NEK10: variants seen among roughly 807,000 people sequenced by gnomAD.
NEK10 encodes the protein NIMA related kinase 10.
NEK10 carries 122 observed loss-of-function variants against 159.8 expected under a neutral mutation model. The ratio of observed to expected loss-of-function variants is 0.76; its 90% CI spans 0.66 to 0.89. NEK10 has a LOEUF of 0.89. NEK10 is among the 40% of genes least tolerant of loss of function. The pLI is 0.00. For synonymous variants in NEK10, 466 were observed against 457.1 expected, an observed-to-expected ratio of 1.02 and a Z score of -0.25; for missense variants, 1,342 against 1,323.1, an observed-to-expected ratio of 1.01 and a Z score of -0.22.
intron 22 of NEK10, among the ~76,000 whole-genome samples, chr3:27,274,629 A>T (rs187330132): frequency 6.6e-6 from 1 of 151,962 alleles, no homozygotes; most frequent in Non-Finnish European, 1.5e-5. Flanking sequence ...TTTTTTTCAC[A>T]TATGCGCACA....
rs1553627491 is a variant in NEK10, at chr3:27,305,628, A to AATAAT, written c.804-658_804-657insATTAT. Among the ~76,000 whole-genome samples the AATAAT allele has an allele frequency of 7.3e-3, 1,086 of 149,006 alleles. 12 individuals carry two copies. Among genetic ancestry groups the AATAAT allele is most frequent in the African/African-American group, 0.025 (1,008 of 40,570 alleles). Reference sequence around the variant, plus strand: ...GTGCTAAAGACTAAAAAAAAAAAAAAAATAATAATAATAAAAGCCTTATTC... The same window carrying AATAAT: ...GTGCTAAAGACTAAAAAAAAAAAAAAATAATAATAATAATAATAAAAGCCTTATTC... On this transcript the variant is annotated intron_variant, in intron 11 of 35. Coordinates refer to ENST00000691995, the MANE Select transcript of NEK10 (RefSeq NM_001394966.1).
At chr3:27,250,797 T>A (rs62258163) in intron 23 of NEK10, among the ~76,000 whole-genome samples, 35,219 of 151,930 alleles carry the variant, frequency 0.23, 4,409 homozygotes, top group Middle Eastern at 0.37. Context: ...TGTATTGAGG[T>A]CCATTGCATG....
At chr3:27,338,396 T>C (rs1313517365) in intron 5 of NEK10, among the ~76,000 whole-genome samples, 2 of 152,228 alleles carry the variant, frequency 1.3e-5, no homozygotes, top group Non-Finnish European at 2.9e-5. Context: ...GCAATAAACA[T>C]ACCTGTGCAT....
chr3:27,287,887 A>T, intron 19 of NEK10, 144 bp from the exon 20 acceptor site: 2 of 950,894 alleles, frequency 2.1e-6, no homozygotes, highest in Non-Finnish European at 2.9e-6. Flanking sequence ...ATATCATCGA[A>T]CTGAGATTGT....
chr3:27,190,008 T>C (rs1948970933), intron 26 of NEK10, among the ~76,000 whole-genome samples: 1 of 152,170 alleles, frequency 6.6e-6, no homozygotes, highest in Non-Finnish European at 1.5e-5. Context: ...AAGTCAGCAC[T>C]AGATTAACAA....
Position 27,302,808 on chromosome 3 carries a change from G to GGAGCT in NEK10, c.1029-978_1029-974dup, listed in dbSNP as rs2043935869. 2.6e-5 allele frequency among the ~76,000 whole-genome samples: 4 copies of GGAGCT among 152,148 alleles called. No individual in the cohort carries two copies. In the South Asian group the frequency reaches 8.3e-4, roughly 32 times the overall value. ...CTGCAATGAGCATGGGGAAGGTAAT[G>GGAGCT]GAGCTAGGCCTAGGGACAGTCACAG... is the stretch of plus-strand genomic sequence containing the variant. On this transcript the variant is annotated intron_variant, in intron 12 of 35. Transcript: ENST00000691995.
At chr3:27,129,337 A>G (rs576379258) in intron 32 of NEK10, among the ~76,000 whole-genome samples, 1 of 152,292 alleles carries the variant, frequency 6.6e-6, no homozygotes, top group South Asian at 2.1e-4. Context: ...CGTGGGTTTT[A>G]GAAGTTTCAG....
At chr3:27,254,739 A>G (rs1956005894) in intron 23 of NEK10, among the ~76,000 whole-genome samples, 1 of 152,190 alleles carries the variant, frequency 6.6e-6, no homozygotes, top group Admixed American at 6.5e-5. Flanking sequence ...TATTAAAACA[A>G]TCATAGTACA....
At chr3:27,178,655 A>G (rs965725185) in intron 26 of NEK10, among the ~76,000 whole-genome samples, 32 of 152,202 alleles carry the variant, frequency 2.1e-4, no homozygotes, top group Admixed American at 5.9e-4. Flanking sequence ...CAGGCCATTG[A>G]CTGCATACTA....
intron 26 of NEK10, among the ~76,000 whole-genome samples, chr3:27,180,437 G>A (rs1250204464): frequency 6.7e-6 from 1 of 148,918 alleles, no homozygotes; most frequent in East Asian, 2.0e-4. Context: ...GGAGGGGAGG[G>A]GAAGGGAGGG....
At chr3:27,194,805 A>G (rs955369376) in intron 25 of NEK10, 4 of 152,248 alleles carry the variant, frequency 2.6e-5, no homozygotes, top group African/African-American at 9.6e-5. Context: ...TATTTTATGC[A>G]TAAAAGGAAA....
At chr3:27,124,314 A>G (rs1394463204) in intron 32 of NEK10, among the ~76,000 whole-genome samples, 1 of 152,200 alleles carries the variant, frequency 6.6e-6, no homozygotes, top group African/African-American at 2.4e-5. Flanking sequence ...ACACTAATGC[A>G]AGAGAGAAGG....
chr3:27,282,517 T>C lies in NEK10; in HGVS notation c.2014+2085A>G, dbSNP rs1282386173. 2.7e-5 allele frequency among the ~76,000 whole-genome samples: 3 copies of C among 112,946 alleles called. 1 individual carries two copies. The East Asian group carries it at 6.4e-4, about 24-fold the overall frequency. The allele number at this position is 112,946 out of a possible 152,430, so 74.1% of individuals were successfully genotyped here. ...AGGAGGATTAAACATATTTGTTCTG[T>C]TGTATATATACATAAATGTGTTATA... is the stretch of plus-strand genomic sequence containing the variant. On this transcript the variant is annotated intron_variant, in intron 22 of 35. Coordinates refer to ENST00000691995, the MANE Select transcript of NEK10 (RefSeq NM_001394966.1).
intron 29 of NEK10, among the ~76,000 whole-genome samples, chr3:27,170,634 A>T (rs1946887423): frequency 6.6e-6 from 1 of 152,144 alleles, no homozygotes; most frequent in Admixed American, 6.5e-5. Flanking sequence ...CGGGAGGCGG[A>T]GGCAGGAGAA....
At chr3:27,113,643 A>C (rs1425975389) in intron 35 of NEK10, among the ~76,000 whole-genome samples, 1 of 152,132 alleles carries the variant, frequency 6.6e-6, no homozygotes, top group African/African-American at 2.4e-5. Context: ...CTTTGTTATA[A>C]GGCATCTTAT....
chr3:27,354,582 G>A (rs1486359361), intron 1 of NEK10, among the ~76,000 whole-genome samples: 1 of 152,128 alleles, frequency 6.6e-6, no homozygotes, highest in Non-Finnish European at 1.5e-5. Flanking sequence ...CTTTAAAATA[G>A]TTAACCTAAT....
chr3:27,206,750 T>A (rs1950579078), intron 23 of NEK10: 1 of 356,774 alleles, frequency 2.8e-6, no homozygotes, highest in South Asian at 1.1e-4. Context: ...TTTGCCTATT[T>A]TATAAATTAG....
At chr3:27,162,967 A>T in intron 29 of NEK10, 1 of 186,454 alleles carries the variant, frequency 5.4e-6, no homozygotes, top group Non-Finnish European at 1.0e-5. Flanking sequence ...TTTAGGCTCT[A>T]AGTATGACTA....
At chr3:27,224,283 G>T (rs1288417565) in intron 23 of NEK10, among the ~76,000 whole-genome samples, 7 of 152,204 alleles carry the variant, frequency 4.6e-5, no homozygotes, top group Non-Finnish European at 1.0e-4. Flanking sequence ...GCTTCTTAGG[G>T]TGAGGGCTGG....
Sources: allele counts gnomAD v4.1 joint callset (sites outside exome capture counted in the v4.1 genomes callset), GRCh38; gene constraint gnomAD v4.1.1; transcripts MANE v1.5; gene names NCBI Gene and HGNC (gene_info 2026-07-23, HGNC 2026-07-21).